The following SMAD7 variants were observed in gnomAD, a reference collection of about 807,000 sequenced individuals.
SMAD7 encodes MAD (mothers against decapentaplegic, Drosophila) homolog 7.
In SMAD7, 8 loss-of-function variants were observed where a neutral mutation model predicts 38.7. That is an observed-to-expected ratio of 0.21 (90% CI 0.12 to 0.37). SMAD7 has a LOEUF of 0.37. SMAD7 is among the 10% of genes least tolerant of loss of function. The probability of loss-of-function intolerance (pLI) is 1.00; values close to 1 mark genes in which losing one functional copy is unlikely to be tolerated. For synonymous variants in SMAD7, 327 were observed against 265.1 expected, an observed-to-expected ratio of 1.23 and a Z score of -2.27; for missense variants, 477 against 577.9, an observed-to-expected ratio of 0.83 and a Z score of 1.79.
At chr18:48,932,072 ATAAC>A (rs980810056) in intron 3 of SMAD7, among the ~76,000 whole-genome samples, 1 of 152,194 alleles carries the variant, frequency 6.6e-6, no homozygotes, top group African/African-American at 2.4e-5. Context: ...GATCACACTG[ATAAC>A]TAACTTTTTA....
chr18:48,920,409 A>C lies in SMAD7; in HGVS notation c.*963T>G, dbSNP rs1236431853. ...CTTCTTGGAGGGAAGGGGACTGCTAAGCATGTCCCTCCCAGGGACATCCCC... is the reference window on the plus strand; with the variant it reads ...CTTCTTGGAGGGAAGGGGACTGCTACGCATGTCCCTCCCAGGGACATCCCC... On this transcript the variant is annotated 3_prime_UTR_variant, in exon 4 of 4. Transcript: ENST00000262158. 2 of 152,486 alleles carry C rather than the reference A, an allele frequency of 1.3e-5. No individual in the cohort carries two copies. Among genetic ancestry groups the C allele is most frequent in the African/African-American group, 2.4e-5 (1 of 41,466 alleles). 9.4% of individuals were successfully genotyped at this position (152,486 alleles called of 1,614,324 possible).
intron 3 of SMAD7, among the ~76,000 whole-genome samples, chr18:48,936,311 T>C (rs745334463): frequency 6.6e-6 from 1 of 152,240 alleles, no homozygotes; most frequent in Non-Finnish European, 1.5e-5. Flanking sequence ...AGTATCTACA[T>C]GTATTTAAAA....
At chr18:48,948,605 A>G (rs1227929512) in intron 1 of SMAD7, 168 bp from the exon 2 acceptor site, 3 of 468,286 alleles carry the variant, frequency 6.4e-6, no homozygotes, top group Non-Finnish European at 1.1e-5. Flanking sequence ...CAGATAAACA[A>G]AAGAGGCCGC....
In SMAD7 at chr18:48,948,633, G is replaced by T. The variant is rs1003607513; in HGVS notation, c.614-196C>A. Reference sequence around the variant, plus strand: ...GAGGCCGCCTGGCGCCAGCCTCGGCGCTCCGCTCCTCCACGTCTGCGGCCG... The same window carrying T: ...GAGGCCGCCTGGCGCCAGCCTCGGCTCTCCGCTCCTCCACGTCTGCGGCCG... On this transcript the variant is annotated intron_variant, in intron 1 of 3. Transcript: ENST00000262158. 5 of 421,882 alleles carry T rather than the reference G, an allele frequency of 1.2e-5. No individual in the cohort carries two copies. In the Admixed American group the frequency reaches 2.4e-4, roughly 21 times the overall value. The allele number at this position is 421,882 out of a possible 1,614,324, so 26.1% of individuals were successfully genotyped here.
At chr18:48,940,062 A>G (rs746328452) in intron 3 of SMAD7, among the ~76,000 whole-genome samples, 3 of 152,178 alleles carry the variant, frequency 2.0e-5, no homozygotes, top group Non-Finnish European at 2.9e-5. Flanking sequence ...CAAAGAGGAC[A>G]GCCCTAGGTT....
chr18:48,948,277 G>T, intron 2 of SMAD7, 107 bp downstream of exon 2: 1 of 680,074 alleles, frequency 1.5e-6, no homozygotes, highest in Admixed American at 3.4e-5. Flanking sequence ...GAACCAACGT[G>T]AAGCCCAGCA....
Position 48,930,376 on chromosome 18 carries a change from C to T in SMAD7, c.743-8466G>A, listed in dbSNP as rs756179314. 2.6e-4 allele frequency among the ~76,000 whole-genome samples: 40 copies of T among 152,268 alleles called. 1 individual carries two copies. Among genetic ancestry groups the T allele is most frequent in the South Asian group, 1.7e-3 (8 of 4,826 alleles). On this transcript the variant is annotated intron_variant, in intron 3 of 3. Transcript: ENST00000262158. Reference sequence around the variant, plus strand: ...CCCCCACTCCCTCTGGCGGGTCCTCCCACTCCTAACCTCCAGTTAGGAGGT... The same window carrying T: ...CCCCCACTCCCTCTGGCGGGTCCTCTCACTCCTAACCTCCAGTTAGGAGGT...
At chr18:48,931,942 GCAGGCCC>G (rs1339531691) in intron 3 of SMAD7, among the ~76,000 whole-genome samples, 1 of 151,250 alleles carries the variant, frequency 6.6e-6, no homozygotes, top group Non-Finnish European at 1.5e-5. Context: ...CTGAGTTTTT[GCAGGCCC>G]CACGATCCTG....
At chr18:48,934,038 C>G (rs2070035088) in intron 3 of SMAD7, among the ~76,000 whole-genome samples, 1 of 152,170 alleles carries the variant, frequency 6.6e-6, no homozygotes, top group South Asian at 2.1e-4. Context: ...CTGTCCCATG[C>G]CCTGTGTCAT....
intron 3 of SMAD7, among the ~76,000 whole-genome samples, chr18:48,929,016 T>C (rs2069961506): frequency 6.6e-6 from 1 of 152,122 alleles, no homozygotes; most frequent in Admixed American, 6.5e-5. Context: ...GGAGGCCCAC[T>C]CTGCCCAGGC....
chr18:48,942,014 G>A (rs2070145913), intron 3 of SMAD7, among the ~76,000 whole-genome samples: 1 of 152,316 alleles, frequency 6.6e-6, no homozygotes, highest in African/African-American at 2.4e-5. Flanking sequence ...AACTTGGGAG[G>A]GAAGCCTCAG....
chr18:48,934,781 AAAAACAC>A (rs1203929643), intron 3 of SMAD7, among the ~76,000 whole-genome samples: 11 of 152,226 alleles, frequency 7.2e-5, no homozygotes, highest in African/African-American at 1.9e-4. Context: ...GGAAGAAAAA[AAAAACAC>A]AAAACAGAAA....
At chr18:48,939,592 T>C (rs1341510720) in intron 3 of SMAD7, among the ~76,000 whole-genome samples, 1 of 151,114 alleles carries the variant, frequency 6.6e-6, no homozygotes, top group African/African-American at 2.4e-5. Context: ...CACCACATTT[T>C]CACATTCGGC....
intron 3 of SMAD7, among the ~76,000 whole-genome samples, chr18:48,923,810 G>C (rs2069893426): frequency 6.6e-6 from 1 of 152,188 alleles, no homozygotes; most frequent in South Asian, 2.1e-4. Flanking sequence ...ATGTCAGTGT[G>C]TACGAGTGTG....
At chr18:48,924,838 AG>A (rs1484295093) in intron 3 of SMAD7, among the ~76,000 whole-genome samples, 4 of 152,238 alleles carry the variant, frequency 2.6e-5, no homozygotes, top group Non-Finnish European at 5.9e-5. Context: ...GCAACAGCAA[AG>A]GCCCCTCGAA....
In SMAD7 at chr18:48,950,664, G is replaced by C. The variant is rs1395258304; in HGVS notation, c.-240C>G. The stretch of plus-strand genomic sequence containing the variant: ...CGCCCGCCGGGGATCGGGGGCCTGC[G>C]CTCCGGCTGCCCCACCCCGCGCGGC... On this transcript the variant is annotated 5_prime_UTR_variant, in exon 1 of 4. Coordinates refer to ENST00000262158, the MANE Select transcript of SMAD7 (RefSeq NM_005904.4). 1.3e-5 allele frequency: 2 copies of C among 148,826 alleles called. No individual in the cohort carries two copies. Among genetic ancestry groups the C allele is most frequent in the African/African-American group, 4.9e-5 (2 of 40,914 alleles). 9.2% of individuals were successfully genotyped at this position (148,826 alleles called of 1,614,324 possible).
At chr18:48,926,169 G>A (rs545076735) in intron 3 of SMAD7, among the ~76,000 whole-genome samples, 12 of 152,366 alleles carry the variant, frequency 7.9e-5, no homozygotes, top group African/African-American at 2.9e-4. Flanking sequence ...AGAGGGCAGA[G>A]AGGCAGAGCA....
intron 3 of SMAD7, among the ~76,000 whole-genome samples, chr18:48,923,394 G>C (rs574360811): frequency 5.3e-5 from 8 of 152,294 alleles, no homozygotes; most frequent in Non-Finnish European, 1.2e-4. Context: ...TGGGTAACTG[G>C]GGCAGCCCAG....
intron 3 of SMAD7, among the ~76,000 whole-genome samples, chr18:48,937,821 C>T (rs1438782684): frequency 2.0e-5 from 3 of 152,184 alleles, no homozygotes; most frequent in Admixed American, 1.3e-4. Context: ...ACCTGAGTCC[C>T]CCAAAGTCCA....
Sources: gnomAD v4.1 joint callset for allele counts (sites outside exome capture counted in the v4.1 genomes callset) on GRCh38, gnomAD v4.1.1 for gene constraint, MANE v1.5 for transcripts, NCBI Gene and HGNC (gene_info 2026-07-23, HGNC 2026-07-21) for gene names.